The following PRPF6 variants were observed in gnomAD, a reference collection of about 807,000 sequenced individuals.
The protein encoded by PRPF6 is pre-mRNA-processing factor 6.
A neutral mutation model predicts 118.3 loss-of-function variants in PRPF6; 42 were observed. The ratio of observed to expected loss-of-function variants is 0.35; its 90% confidence interval spans 0.28 to 0.46. The LOEUF (loss-of-function observed/expected upper bound fraction) is 0.46. Among genes scored for constraint, PRPF6 ranks in the 20% least tolerant of loss-of-function variants. PRPF6 has a pLI of 1.00. For missense variants in PRPF6, 662 were observed against 1,255.7 expected, an observed-to-expected ratio of 0.53 and a Z score of 7.15; for synonymous variants, 481 against 485.1, an observed-to-expected ratio of 0.99 and a Z score of 0.11.
intron 14 of PRPF6, 114 bp downstream of exon 14, chr20:64,024,807 T>G (rs1194518139): frequency 3.4e-6 from 5 of 1,451,928 alleles, no homozygotes; most frequent in Non-Finnish European, 4.6e-6. Flanking sequence ...GTTGTTGGGG[T>G]GCACTGGAGT....
chr20:64,028,487 C>T lies in PRPF6; in HGVS notation c.2349C>T (p.Ser783=), dbSNP rs138601260. The change falls in exon 18 of 21, where the codon TCC becomes TCT. Residue 783 remains serine, a synonymous_variant. Coordinates refer to ENST00000266079, the MANE Select transcript of PRPF6 (RefSeq NM_012469.4). This position sits in a 1 kb window ranked among gnomAD's most constrained non-coding sequence, Gnocchi z 6.5. The stretch of plus-strand genomic sequence containing the variant: ...GGGCCTGTCTCCTCAGGTTGGAGTC[C>T]GTGCGGCTGGAGTACCGTGCGGGGC... ...NPKNPGLWLE[S]VRLEYRAGLK... is the part of the protein sequence containing the mutation. 97 of 1,613,720 alleles carry T rather than the reference C, an allele frequency of 6.0e-5. No individual in the cohort carries two copies. The highest frequency in any genetic ancestry group is 4.9e-4 in the Middle Eastern group (3 of 6,084).
At position 64,011,457 on chromosome 20, in the gene PRPF6, C is replaced by T. The variant is rs2059216897; in HGVS notation, c.1478C>T (p.Ser493Leu). 1 of 1,614,044 alleles carries T rather than the reference C, an allele frequency of 6.2e-7. No individual in the cohort carries two copies. Among genetic ancestry groups the T allele is most frequent in the East Asian group, 2.2e-5 (1 of 44,888 alleles). The part of the protein sequence containing the change: ...VEKIIDRAIT[S>L]LRANGVEINR... ...AAGATCATCGACCGAGCCATCACCT[C>T]GCTGCGGGCCAACGGTGTGGAGATC... The change falls in exon 11 of 21, where the codon TCG becomes TTG. Residue 493 changes from serine to leucine, a missense_variant. Ser to Leu is a moderately radical substitution (Grantham distance 145). Transcript: ENST00000266079. This position sits in a 1 kb window ranked among gnomAD's most constrained non-coding sequence, Gnocchi z 6.7.
chr20:64,017,889 G>T (rs1443340547), intron 12 of PRPF6, among the ~76,000 whole-genome samples: 1 of 152,220 alleles, frequency 6.6e-6, no homozygotes, highest in Non-Finnish European at 1.5e-5. Flanking sequence ...GTGCTGTCAG[G>T]TAACTTCAGA....
Position 64,007,472 on chromosome 20 carries a change from T to G in PRPF6, c.1187-2728T>G, listed in dbSNP as rs1307105231. On this transcript the variant is annotated intron_variant, in intron 9 of 20. Transcript: ENST00000266079. ...TGCCCTGCCCTTTTCCTCTTTTTTT[T>G]TTTTTTGAGACTGAGTCTCCCTCTT... 4.0e-3 allele frequency among the ~76,000 whole-genome samples: 590 copies of G among 146,370 alleles called. 8 individuals are homozygous for G. Among genetic ancestry groups the G allele is most frequent in the African/African-American group, 0.014 (556 of 39,530 alleles).
At chr20:64,014,044 T>C (rs892135881) in intron 11 of PRPF6, among the ~76,000 whole-genome samples, 1 of 151,578 alleles carries the variant, frequency 6.6e-6, no homozygotes, top group East Asian at 2.0e-4. Flanking sequence ...CTCAAGCAAT[T>C]CTCCTGCCTC....
At chr20:63,981,782 A>G (rs1383219478) in intron 1 of PRPF6, among the ~76,000 whole-genome samples, 1 of 149,676 alleles carries the variant, frequency 6.7e-6, no homozygotes, top group Non-Finnish European at 1.5e-5. Flanking sequence ...GATGAGGAAC[A>G]CTACTGGGTT....
At chr20:63,983,391 T>G (rs2059079617) in intron 2 of PRPF6, among the ~76,000 whole-genome samples, 176 bp downstream of exon 2, 1 of 151,942 alleles carries the variant, frequency 6.6e-6, no homozygotes, top group African/African-American at 2.4e-5. Flanking sequence ...CACGGAGAAA[T>G]GTGCACTTTT....
At chr20:63,999,424 C>T (rs999269354) in intron 7 of PRPF6, among the ~76,000 whole-genome samples, 179 bp from the exon 8 acceptor site, 5 of 152,308 alleles carry the variant, frequency 3.3e-5, no homozygotes, top group Admixed American at 6.5e-5. Context: ...CGTTTGTCTG[C>T]GGGGAGGCTA....
At position 63,986,645 on chromosome 20, in the gene PRPF6, C is replaced by T. The variant is rs192050466; in HGVS notation, c.359+1620C>T. Among the ~76,000 whole-genome samples, 597 of 151,432 alleles carry T rather than the reference C, an allele frequency of 3.9e-3. 5 individuals are homozygous for T. The highest frequency in any genetic ancestry group is 0.014 in the African/African-American group (563 of 41,388). ...CTGGGACTACAGTTGCCCGCCACCA[C>T]GCCTGGCTAATTTTTTGTATTTTTA... On this transcript the variant is annotated intron_variant, in intron 3 of 20. Coordinates refer to ENST00000266079, the MANE Select transcript of PRPF6 (RefSeq NM_012469.4).
At chr20:64,006,194 G>T (rs1479118541) in intron 9 of PRPF6, among the ~76,000 whole-genome samples, 1 of 152,092 alleles carries the variant, frequency 6.6e-6, no homozygotes, top group African/African-American at 2.4e-5. Context: ...CAGCAACTCA[G>T]TCTCGCTTTG....
chr20:64,022,308 CT>C (rs543410794), intron 12 of PRPF6, among the ~76,000 whole-genome samples: 313 of 152,066 alleles, frequency 2.1e-3, no homozygotes, highest in African/African-American at 7.3e-3. Context: ...TGTGGTTCTA[CT>C]TTCTTTCTGG....
intron 1 of PRPF6, among the ~76,000 whole-genome samples, chr20:63,981,633 G>C (rs1601504590): frequency 1.3e-5 from 2 of 151,630 alleles, no homozygotes; most frequent in East Asian, 3.9e-4. Context: ...TCCTCAGGTC[G>C]GGCTGACACT....
chr20:64,022,322 G>C (rs547917008), intron 12 of PRPF6, among the ~76,000 whole-genome samples: 83 of 152,046 alleles, frequency 5.5e-4, no homozygotes, highest in South Asian at 4.6e-3. Flanking sequence ...CTTTCTGGAG[G>C]GGGAGGACAG....
chr20:63,991,970 G>C (rs1311928291), intron 3 of PRPF6, among the ~76,000 whole-genome samples: 1 of 152,200 alleles, frequency 6.6e-6, no homozygotes, highest in African/African-American at 2.4e-5. Context: ...GAGTTGGTTA[G>C]AGGTGAACTA....
intron 3 of PRPF6, among the ~76,000 whole-genome samples, chr20:63,990,633 C>A (rs150049280): frequency 3.3e-5 from 5 of 150,496 alleles, no homozygotes; most frequent in African/African-American, 1.2e-4. Context: ...CCACACCCAG[C>A]TAATTTTTCT....
intron 11 of PRPF6, among the ~76,000 whole-genome samples, chr20:64,012,933 T>C (rs572187976): frequency 1.3e-5 from 2 of 151,844 alleles, no homozygotes; most frequent in East Asian, 3.9e-4. Context: ...TGGCTTCTTT[T>C]ACTCTTCCCC....
chr20:64,015,921 G>T (rs1263826243), intron 11 of PRPF6, among the ~76,000 whole-genome samples: 1 of 152,132 alleles, frequency 6.6e-6, no homozygotes, highest in African/African-American at 2.4e-5. Flanking sequence ...GAGACCAGGA[G>T]TTTAACACCA....
In PRPF6 at chr20:64,024,657, G is replaced by C. The variant is rs1216203953; in HGVS notation, c.1872G>C (p.Val624=). 3 of 1,613,496 alleles carry C rather than the reference G, an allele frequency of 1.9e-6. No homozygotes were observed. The highest frequency in any genetic ancestry group is 2.5e-6 in the Non-Finnish European group (3 of 1,179,994). ...GAKSKWLAGD[V]PAARSILALA... ...AGTCCAAGTGGCTGGCAGGGGATGTGCCTGCAGCAAGGAGCATCCTGGCCC... is the reference window on the plus strand; with the variant it reads ...AGTCCAAGTGGCTGGCAGGGGATGTCCCTGCAGCAAGGAGCATCCTGGCCC... Residue 624 remains valine, a synonymous_variant, in exon 14 of 21, where the codon GTG becomes GTC. Transcript: ENST00000266079.
At chr20:64,023,017 G>A in intron 13 of PRPF6, 139 bp downstream of exon 13, 7 of 1,329,932 alleles carry the variant, frequency 5.3e-6, no homozygotes, top group East Asian at 2.5e-5. Context: ...TGTGATGAAG[G>A]ATTTTATGGC....
Sources: gnomAD v4.1 joint callset for allele counts (sites outside exome capture counted in the v4.1 genomes callset) on GRCh38, gnomAD v4.1.1 for gene constraint, Gnocchi (gnomAD v3.1) non-coding constraint, MANE v1.5 for transcripts, NCBI Gene and HGNC (gene_info 2026-07-23, HGNC 2026-07-21) for gene names.